The following ANXA6 variants were observed in gnomAD, a reference collection of about 807,000 sequenced individuals.
ANXA6 encodes annexin A6, also known as 67 kDa calelectrin.
A neutral mutation model predicts 95.4 loss-of-function variants in ANXA6; 71 were observed. The ratio of observed to expected loss-of-function variants is 0.74; its 90% CI spans 0.61 to 0.91. The LOEUF is 0.91. Among genes scored for constraint, ANXA6 ranks in the 40% least tolerant of loss-of-function variants. ANXA6 has a pLI of 0.00. For missense variants in ANXA6, 830 were observed against 876.4 expected (o/e 0.95, Z 0.67); for synonymous variants, 289 against 315.9 (o/e 0.91, Z 0.90).
At chr5:151,148,335 C>A (rs1035797123) in intron 1 of ANXA6, among the ~76,000 whole-genome samples, 1 of 152,200 alleles carries the variant, frequency 6.6e-6, no homozygotes, top group Admixed American at 6.5e-5. Flanking sequence ...CAAGATCACA[C>A]AGCTTAGAAC....
At chr5:151,108,612 TC>T in intron 22 of ANXA6, 62 bp from the exon 23 acceptor site, 1 of 1,430,060 alleles carries the variant, frequency 7.0e-7, no homozygotes, top group Non-Finnish European at 9.9e-7. Flanking sequence ...GGAGGACCCC[TC>T]CTCAGCCCCA....
intron 9 of ANXA6, 87 bp downstream of exon 9, chr5:151,133,007 T>C (rs1204657865): frequency 2.1e-6 from 2 of 969,234 alleles, no homozygotes; most frequent in Non-Finnish European, 3.2e-6. Context: ...TCATGTTCCA[T>C]TAGTGGTAAA....
intron 25 of ANXA6, among the ~76,000 whole-genome samples, chr5:151,102,665 C>A (rs1332581741): frequency 2.6e-5 from 4 of 152,156 alleles, no homozygotes; most frequent in Admixed American, 2.6e-4. Flanking sequence ...GATGGCACTG[C>A]TGCACTCCAG....
At chr5:151,105,376 C>A (rs1764668679) in intron 23 of ANXA6, 73 bp from the exon 24 acceptor site, 1 of 1,349,268 alleles carries the variant, frequency 7.4e-7, no homozygotes, top group Non-Finnish European at 1.1e-6. Flanking sequence ...CCGGCCTCCC[C>A]CATCTCCCCA....
chr5:151,130,636 G>A (rs1765468917), intron 11 of ANXA6, among the ~76,000 whole-genome samples: 1 of 152,190 alleles, frequency 6.6e-6, no homozygotes, highest in Admixed American at 6.5e-5. Context: ...CCTCATTATG[G>A]CACACTGGTG....
At chr5:151,116,499 A>G (rs1303416327) in intron 20 of ANXA6, among the ~76,000 whole-genome samples, 1 of 152,204 alleles carries the variant, frequency 6.6e-6, no homozygotes, top group East Asian at 1.9e-4. Context: ...CCATTTCCAG[A>G]CCTCAAGCTC....
chr5:151,110,155 T>A (rs1764809424), intron 21 of ANXA6, among the ~76,000 whole-genome samples: 1 of 152,150 alleles, frequency 6.6e-6, no homozygotes, highest in African/African-American at 2.4e-5. Flanking sequence ...GCATAGCAAC[T>A]GGGAGTTCCC....
At chr5:151,141,950 T>C (rs2346027) in intron 2 of ANXA6, among the ~76,000 whole-genome samples, 77,556 of 152,048 alleles carry the variant, frequency 0.51, 20,882 homozygotes, top group South Asian at 0.76. Context: ...TCCACCCCGG[T>C]GGGCAGTTTG....
chr5:151,134,340 C>T, intron 8 of ANXA6, 87 bp downstream of exon 8: 12 of 1,322,620 alleles, frequency 9.1e-6, no homozygotes, highest in Middle Eastern at 2.4e-4. Flanking sequence ...CAAATGACTT[C>T]ACCTCCAGCC....
chr5:151,107,812 G>A lies in ANXA6; in HGVS notation c.1780+643C>T, dbSNP rs1206834110. On this transcript the variant is annotated intron_variant, in intron 23 of 25. Coordinates refer to ENST00000354546, the MANE Select transcript of ANXA6 (RefSeq NM_001155.5). ...AGTCAAGAGCTCAAATTATATAAGC[G>A]TAACCAAAAAGCCAGGTACTGAGAG... 3.9e-5 allele frequency among the ~76,000 whole-genome samples: 6 copies of A among 152,272 alleles called. No homozygotes were observed. In the East Asian group the frequency reaches 9.6e-4, roughly 24 times the overall value.
Position 151,100,968 on chromosome 5 carries a change from T to C in ANXA6, c.*480A>G. The C allele has an allele frequency of 2.2e-6, 1 of 457,208 alleles. No homozygotes were observed. The highest frequency in any genetic ancestry group is 4.4e-6 in the Non-Finnish European group (1 of 227,668). 28.3% of individuals were successfully genotyped at this position (457,208 alleles called of 1,614,324 possible). A position where few individuals can be genotyped will look rare whatever the true frequency, so the allele number is the denominator to read the frequency against. ...GTCCAGTACTCTAGCGCGGCCTGGATGGAGATGGGTGGTGAAATGGATGGG... is the reference window on the plus strand; with the variant it reads ...GTCCAGTACTCTAGCGCGGCCTGGACGGAGATGGGTGGTGAAATGGATGGG... On this transcript the variant is annotated 3_prime_UTR_variant, in exon 26 of 26. Transcript: ENST00000354546.
chr5:151,142,457 G>C (rs931326234), intron 2 of ANXA6, among the ~76,000 whole-genome samples: 1 of 149,940 alleles, frequency 6.7e-6, no homozygotes, highest in Non-Finnish European at 1.5e-5. Flanking sequence ...CAGCCTGGGC[G>C]ACAGAATGAG....
chr5:151,119,458 CG>C, intron 17 of ANXA6, 68 bp from the exon 18 acceptor site: 1 of 1,389,034 alleles, frequency 7.2e-7, no homozygotes, highest in South Asian at 1.2e-5. Flanking sequence ...CCATGGGGCC[CG>C]GACGGCTAAA....
intron 17 of ANXA6, among the ~76,000 whole-genome samples, chr5:151,121,318 G>C (rs2113914900): frequency 6.6e-6 from 1 of 152,294 alleles, no homozygotes; most frequent in Admixed American, 6.5e-5. Flanking sequence ...CAAAATAAGA[G>C]CCCTGCCTTG....
intron 7 of ANXA6, 110 bp downstream of exon 7, chr5:151,136,146 G>T: frequency 9.8e-7 from 1 of 1,020,230 alleles, no homozygotes; most frequent in Non-Finnish European, 1.5e-6. Context: ...ACACCTGCCT[G>T]TGCAAACCAG....
chr5:151,117,639 C>T, intron 19 of ANXA6, 119 bp downstream of exon 19: 1 of 850,260 alleles, frequency 1.2e-6, no homozygotes, highest in Non-Finnish European at 1.9e-6. Context: ...AGTGGGGAGA[C>T]ACCCCCTCTC....
chr5:151,109,709 G>T, intron 22 of ANXA6, 44 bp downstream of exon 22: 1 of 1,471,920 alleles, frequency 6.8e-7, no homozygotes, highest in Non-Finnish European at 9.4e-7. Flanking sequence ...ATCAGATTCT[G>T]GGATCTTCCT....
intron 2 of ANXA6, chr5:151,140,500 A>G (rs1387231879): frequency 1.9e-5 from 8 of 432,288 alleles, no homozygotes; most frequent in African/African-American, 4.0e-5. Flanking sequence ...CCACCTTCCA[A>G]AGCATCCAGG....
chr5:151,125,015 C>T (rs1348630161), intron 14 of ANXA6, among the ~76,000 whole-genome samples: 6 of 152,174 alleles, frequency 3.9e-5, no homozygotes, highest in Non-Finnish European at 2.9e-5. Context: ...TCCCAGGTGC[C>T]TACAACAGTG....
Sources: gnomAD v4.1 joint callset for allele counts (sites outside exome capture counted in the v4.1 genomes callset) on GRCh38, gnomAD v4.1.1 for gene constraint, MANE v1.5 for transcripts, NCBI Gene and HGNC (gene_info 2026-07-23, HGNC 2026-07-21) for gene names.